The following FZD3 variants were observed in gnomAD, a reference collection of about 807,000 sequenced individuals.
The protein encoded by FZD3 is frizzled-3.
A neutral mutation model predicts 60.7 loss-of-function variants in FZD3; 30 were observed. The observed-to-expected ratio is 0.49, with a 90% CI of 0.37 to 0.67. The LOEUF (loss-of-function observed/expected upper bound fraction) is 0.67. Among genes scored for constraint, FZD3 ranks in the 30% least tolerant of loss-of-function variants. FZD3 has a pLI of 0.00. For synonymous variants in FZD3, 246 were observed against 275.2 expected, an observed-to-expected ratio of 0.89 and a Z score of 1.05; for missense variants, 605 against 838.7, an observed-to-expected ratio of 0.72 and a Z score of 3.44.
chr8:28,539,662 C>T (rs1805111338), intron 5 of FZD3, among the ~76,000 whole-genome samples: 1 of 151,950 alleles, frequency 6.6e-6, no homozygotes. Context: ...CTTTAGGTGA[C>T]CATAGGCTTG....
chr8:28,544,562 C>G (rs986142536), intron 5 of FZD3, among the ~76,000 whole-genome samples: 3 of 152,028 alleles, frequency 2.0e-5, no homozygotes, highest in African/African-American at 4.8e-5. Context: ...ATCTCATGAA[C>G]TTTTGGCATT....
chr8:28,512,350 A>C lies in FZD3; in HGVS notation c.190-8288A>C, dbSNP rs79099159. ...AAAAAATAAAGTAAGGTAGATAGCA[A>C]AACATTAGTATGGTATCATCCTGGT... On this transcript the variant is annotated intron_variant, in intron 3 of 7. Coordinates refer to ENST00000240093, the MANE Select transcript of FZD3 (RefSeq NM_017412.4). Among the ~76,000 whole-genome samples the C allele has an allele frequency of 1.6e-4, 24 of 152,304 alleles. No individual in the cohort carries two copies. The East Asian group carries it at 3.9e-3, about 24-fold the overall frequency.
intron 1 of FZD3, among the ~76,000 whole-genome samples, chr8:28,498,175 C>T (rs1199258824): frequency 1.3e-5 from 2 of 152,218 alleles, no homozygotes; most frequent in Non-Finnish European, 2.9e-5. Context: ...GAATGTGTCT[C>T]TTTTCCCATA....
intron 5 of FZD3, among the ~76,000 whole-genome samples, chr8:28,548,996 T>C (rs1001314158): frequency 1.3e-5 from 2 of 152,204 alleles, no homozygotes; most frequent in Non-Finnish European, 2.9e-5. Flanking sequence ...GACCACAGAC[T>C]GGGTAGCTTA....
rs1421063322 is a variant in FZD3 at position 28,569,088 on chromosome 8, T to TTTA, written c.*6086_*6088dup. On this transcript the variant is annotated 3_prime_UTR_variant, in exon 8 of 8. Coordinates refer to ENST00000240093, the MANE Select transcript of FZD3 (RefSeq NM_017412.4). ...ATATTCCTGGAGTAGGATGGATTAC[T>TTTA]TTATTATTATTGTAGCTTTAAGGTT... 1 of 151,954 alleles carries TTTA rather than the reference T, an allele frequency of 6.6e-6. No individual in the cohort carries two copies. The highest frequency in any genetic ancestry group is 2.4e-5 in the African/African-American group (1 of 41,382). 9.4% of individuals were successfully genotyped at this position (151,954 alleles called of 1,614,324 possible).
intron 7 of FZD3, among the ~76,000 whole-genome samples, chr8:28,559,852 C>T (rs1048698462): frequency 6.6e-6 from 1 of 152,194 alleles, no homozygotes; most frequent in South Asian, 2.1e-4. Flanking sequence ...CACACACATA[C>T]CCACTTCCCA....
chr8:28,558,478 T>C (rs771699222), intron 7 of FZD3, among the ~76,000 whole-genome samples: 1 of 151,932 alleles, frequency 6.6e-6, no homozygotes, highest in Non-Finnish European at 1.5e-5. Context: ...TTGCCCAGGC[T>C]GGAGTGCAGT....
intron 5 of FZD3, 53 bp from the exon 6 acceptor site, chr8:28,551,550 T>C (rs1805411142): frequency 7.6e-7 from 1 of 1,318,724 alleles, no homozygotes; most frequent in Admixed American, 2.1e-5. Flanking sequence ...TAATGGCCTT[T>C]AATAGAAAGT....
chr8:28,520,768 A>T lies in FZD3; in HGVS notation c.320A>T (p.Tyr107Phe). Residue 107 changes from tyrosine to phenylalanine, a missense_variant, in exon 4 of 8, where the codon TAC (tyrosine) becomes TTC (phenylalanine). Physicochemically the swap from Tyr to Phe is conservative, Grantham distance 22. Coordinates refer to ENST00000240093, the MANE Select transcript of FZD3 (RefSeq NM_017412.4). ...TGTCGTAGGCTGTGTCAGCGGGCTT[A>T]CAGTGAGTGTTCGAAGCTCATGGAG... ...LPCRRLCQRAYSECSKLMEMF... is the reference protein window; with the variant it reads ...LPCRRLCQRAFSECSKLMEMF... The T allele has an allele frequency of 6.2e-7, 1 of 1,611,928 alleles. No individual in the cohort carries two copies. The highest frequency in any genetic ancestry group is 8.5e-7 in the Non-Finnish European group (1 of 1,178,800).
Position 28,550,481 on chromosome 8 carries a change from C to CTTTTT in FZD3, c.1405-1101_1405-1097dup, listed in dbSNP as rs386412443. Among the ~76,000 whole-genome samples the CTTTTT allele has an allele frequency of 5.0e-3, 170 of 34,288 alleles. 1 individual carries two copies. The highest frequency in any genetic ancestry group is 7.4e-3 in the East Asian group (6 of 816). 22.5% of individuals were successfully genotyped at this position (34,288 alleles called of 152,430 possible). A position where few individuals can be genotyped will look rare whatever the true frequency, so the allele number is the denominator to read the frequency against. Reference sequence around the variant, plus strand: ...ACAAATACTTTATTTCTTCTTTTATCTTTTTTTTTTTTTTTTTTTTTTTTT... The same window carrying CTTTTT: ...ACAAATACTTTATTTCTTCTTTTATCTTTTTTTTTTTTTTTTTTTTTTTTTTTTTT... On this transcript the variant is annotated intron_variant, in intron 5 of 7. Coordinates refer to ENST00000240093, the MANE Select transcript of FZD3 (RefSeq NM_017412.4).
chr8:28,511,339 A>T (rs1804283487), intron 3 of FZD3, among the ~76,000 whole-genome samples: 1 of 152,032 alleles, frequency 6.6e-6, no homozygotes, highest in East Asian at 1.9e-4. Flanking sequence ...TACAAAAATT[A>T]GCTGGGCGTG....
chr8:28,521,564 T>G (rs560771978), intron 4 of FZD3, among the ~76,000 whole-genome samples: 1 of 152,290 alleles, frequency 6.6e-6, no homozygotes, highest in East Asian at 1.9e-4. Flanking sequence ...CAGGTAGAAT[T>G]GAAGGTTTTC....
chr8:28,565,695 T>A lies in FZD3; in HGVS notation c.*2684T>A, dbSNP rs1451235158. The stretch of plus-strand genomic sequence containing the variant: ...GGGAATACTATATTGACTTTTCAGT[T>A]ACTTTCAGTAAGTATCTTAATTTTG... On this transcript the variant is annotated 3_prime_UTR_variant, in exon 8 of 8. Coordinates refer to ENST00000240093, the MANE Select transcript of FZD3 (RefSeq NM_017412.4). 1.3e-5 allele frequency: 2 copies of A among 152,178 alleles called. No individual in the cohort carries two copies. Among genetic ancestry groups the A allele is most frequent in the African/African-American group, 2.4e-5 (1 of 41,466 alleles). The allele number at this position is 152,178 out of a possible 1,614,324, so 9.4% of individuals were successfully genotyped here.
rs1193381261 is a variant in FZD3 at position 28,527,504 on chromosome 8, A to G, written c.744A>G (p.Val248=). ...IIFYAVCYMM[V]SLIFFIGFLL... is the part of the protein sequence containing the mutation. The stretch of plus-strand genomic sequence containing the variant: ...TTTATGCAGTCTGCTACATGATGGT[A>G]TCCTTAATTTTCTTCATTGGATTTT... The change falls in exon 5 of 8, where the codon GTA becomes GTG. Residue 248 remains valine, a synonymous_variant. Transcript: ENST00000240093. This position sits in a 1 kb window ranked among gnomAD's most constrained non-coding sequence, Gnocchi z 5.0. 1 of 1,613,920 alleles carries G rather than the reference A, an allele frequency of 6.2e-7. No homozygotes were observed.
chr8:28,547,743 A>T (rs528763661), intron 5 of FZD3, among the ~76,000 whole-genome samples: 1 of 152,152 alleles, frequency 6.6e-6, no homozygotes, highest in South Asian at 2.1e-4. Context: ...TAGCCCTTTT[A>T]TCTGCCATAT....
intron 1 of FZD3, among the ~76,000 whole-genome samples, chr8:28,498,285 C>CT (rs1554531061): frequency 3.0e-4 from 46 of 151,358 alleles, no homozygotes; most frequent in Admixed American, 1.5e-3. Flanking sequence ...GGTCCCCCCC[C>CT]TTTTTTTTTC....
intron 7 of FZD3, among the ~76,000 whole-genome samples, chr8:28,557,229 AG>A (rs1217346236): frequency 2.7e-5 from 4 of 150,294 alleles, no homozygotes; most frequent in African/African-American, 9.8e-5. Context: ...AAAAAAAAGA[AG>A]AAGAAATGAT....
At chr8:28,529,256 T>A (rs1804799017) in intron 5 of FZD3, among the ~76,000 whole-genome samples, 1 of 151,994 alleles carries the variant, frequency 6.6e-6, no homozygotes, top group African/African-American at 2.4e-5. Flanking sequence ...CTTAAAAGAG[T>A]ACTCTAATGT....
At chr8:28,503,759 G>A (rs1291237776) in intron 3 of FZD3, among the ~76,000 whole-genome samples, 2 of 152,178 alleles carry the variant, frequency 1.3e-5, no homozygotes, top group East Asian at 3.8e-4. Flanking sequence ...AGAACTAGCA[G>A]GCAGTAAGCA....
Sources: allele counts gnomAD v4.1 joint callset (sites outside exome capture counted in the v4.1 genomes callset), GRCh38; gene constraint gnomAD v4.1.1; non-coding constraint Gnocchi (gnomAD v3.1); transcripts MANE v1.5; gene names NCBI Gene and HGNC (gene_info 2026-07-23, HGNC 2026-07-21).